Variants in DYSF observed in about 807,000 individuals in gnomAD.
DYSF encodes the protein dystrophy-associated fer-1-like 1.
Under a neutral mutation model 274.9 loss-of-function variants are expected in DYSF, and 212 were observed. The observed-to-expected ratio is 0.77, with a 90% CI of 0.69 to 0.86. The LOEUF (loss-of-function observed/expected upper bound fraction) is 0.86. Among genes scored for constraint, DYSF ranks in the 40% least tolerant of loss-of-function variants. DYSF has a pLI of 0.00. For synonymous variants in DYSF, 1,091 were observed against 1,078.7 expected (o/e 1.01, Z -0.22); for missense variants, 2,666 against 2,783.2 (o/e 0.96, Z 0.95).
Position 71,626,968 on chromosome 2 carries a change from C to T in DYSF, c.4527+6359C>T, listed in dbSNP as rs535088097. Among the ~76,000 whole-genome samples the T allele has an allele frequency of 4.0e-5, 6 of 151,252 alleles. No individual in the cohort carries two copies. The East Asian group carries it at 5.8e-4, about 15-fold the overall frequency. ...ATATTGGTGTAATATTTTTTATGATCTCTTAATTTTTCAAAAAGAATTTCT... is the reference window on the plus strand; with the variant it reads ...ATATTGGTGTAATATTTTTTATGATTTCTTAATTTTTCAAAAAGAATTTCT... On this transcript the variant is annotated intron_variant, in intron 41 of 55. Transcript: ENST00000410020.
intron 3 of DYSF, 50 bp from the exon 4 acceptor site, chr2:71,503,164 C>T: frequency 1.3e-6 from 2 of 1,550,528 alleles, no homozygotes; most frequent in Non-Finnish European, 1.8e-6. Flanking sequence ...GGCAGAAGAG[C>T]CAGGGTGCCT....
chr2:71,548,029 C>G (rs149098521), intron 17 of DYSF, among the ~76,000 whole-genome samples: 8 of 152,346 alleles, frequency 5.3e-5, no homozygotes, highest in Admixed American at 2.6e-4. Context: ...TGTGTTGGCC[C>G]TCTCGCTGTT....
At chr2:71,660,267 A>G (rs1471266540) in intron 44 of DYSF, among the ~76,000 whole-genome samples, 2 of 152,234 alleles carry the variant, frequency 1.3e-5, no homozygotes, top group African/African-American at 4.8e-5. Flanking sequence ...TGTGTAATGC[A>G]GACTGTTGTG....
intron 21 of DYSF, among the ~76,000 whole-genome samples, chr2:71,555,618 C>A (rs980634013): frequency 6.6e-6 from 1 of 152,072 alleles, no homozygotes; most frequent in South Asian, 2.1e-4. Context: ...AGAGCAGGCT[C>A]GGAGAGGGCC....
At chr2:71,538,772 C>T (rs889840189) in intron 16 of DYSF, among the ~76,000 whole-genome samples, 12 of 152,320 alleles carry the variant, frequency 7.9e-5, no homozygotes, top group African/African-American at 2.6e-4. Context: ...TGGAGCCTCT[C>T]AGTTCTTCCT....
chr2:71,503,132 G>A, intron 3 of DYSF, 82 bp from the exon 4 acceptor site: 1 of 1,248,354 alleles, frequency 8.0e-7, no homozygotes, highest in Non-Finnish European at 1.2e-6. Flanking sequence ...AGCCTCATCT[G>A]AGTGGTGGCA....
At chr2:71,545,816 CTG>C (rs950850998) in intron 17 of DYSF, among the ~76,000 whole-genome samples, 5 of 152,120 alleles carry the variant, frequency 3.3e-5, no homozygotes, top group African/African-American at 9.7e-5. Flanking sequence ...TCACCTTTCT[CTG>C]TGTCCGCATG....
At chr2:71,462,192 T>C (rs113496382), upstream of DYSF, among the ~76,000 whole-genome samples, 3,824 of 151,784 alleles carry the variant, frequency 0.025, 172 homozygotes, top group African/African-American at 0.087. Context: ...CAGCAAGGGG[T>C]GTGTGAGTGA....
intron 1 of DYSF, among the ~76,000 whole-genome samples, chr2:71,456,670 C>T (rs2081078511): frequency 6.6e-6 from 1 of 152,100 alleles, no homozygotes; most frequent in South Asian, 2.1e-4. Context: ...CTCACAGAAG[C>T]TTTGTGAGGT....
chr2:71,683,612 G>T (rs892968117), intron 55 of DYSF, among the ~76,000 whole-genome samples: 2 of 152,222 alleles, frequency 1.3e-5, no homozygotes, highest in South Asian at 4.1e-4. Context: ...TGGCAAAGAC[G>T]CAAACACCCA....
At chr2:71,574,095 G>T in intron 29 of DYSF, 103 bp from the exon 30 acceptor site, 1 of 1,432,084 alleles carries the variant, frequency 7.0e-7, no homozygotes, top group Non-Finnish European at 9.6e-7. Flanking sequence ...GTGGGAGCTG[G>T]TGGGGAGTTG....
chr2:71,500,882 CT>C (rs1003462361), intron 3 of DYSF, among the ~76,000 whole-genome samples: 1 of 152,062 alleles, frequency 6.6e-6, no homozygotes, highest in Non-Finnish European at 1.5e-5. Context: ...CATTCTCCTG[CT>C]TGAACAAGTC....
At chr2:71,654,038 C>G (rs936325696) in intron 42 of DYSF, among the ~76,000 whole-genome samples, 2 of 151,972 alleles carry the variant, frequency 1.3e-5, no homozygotes, top group Non-Finnish European at 2.9e-5. Flanking sequence ...CTTTATATAC[C>G]AAGAAGTCTC....
chr2:71,685,109 C>G (rs748580127), intron 55 of DYSF, among the ~76,000 whole-genome samples: 2 of 152,196 alleles, frequency 1.3e-5, no homozygotes, highest in African/African-American at 4.8e-5. Context: ...GAAGGAGGCC[C>G]TGCTGCCTGG....
intron 12 of DYSF, among the ~76,000 whole-genome samples, 197 bp from the exon 13 acceptor site, chr2:71,526,023 T>C (rs1214342321): frequency 6.6e-6 from 1 of 152,212 alleles, no homozygotes; most frequent in East Asian, 1.9e-4. Flanking sequence ...AGTATCATGG[T>C]CTCTGCTGTA....
chr2:71,573,796 C>G (rs2092604635), intron 29 of DYSF, among the ~76,000 whole-genome samples: 2 of 152,106 alleles, frequency 1.3e-5, no homozygotes, highest in African/African-American at 4.8e-5. Context: ...CCTCCTCTCC[C>G]CTCCTGATTT....
At chr2:71,511,370 G>C (rs1175405256) in intron 4 of DYSF, among the ~76,000 whole-genome samples, 2 of 152,212 alleles carry the variant, frequency 1.3e-5, no homozygotes, top group Non-Finnish European at 2.9e-5. Flanking sequence ...AGTGGCCAAA[G>C]GGACATTTTC....
intron 29 of DYSF, among the ~76,000 whole-genome samples, chr2:71,571,727 C>G (rs145456483): frequency 0.023 from 3,058 of 130,342 alleles, 64 homozygotes; most frequent in African/African-American, 0.058. Context: ...ACAGATCACA[C>G]CCAGCACACA....
In DYSF at chr2:71,612,564, T is replaced by G. The variant is rs576406816; in HGVS notation, c.4222-77T>G. 2.0e-5 allele frequency: 31 copies of G among 1,589,288 alleles called. No homozygotes were observed. In the African/African-American group the frequency reaches 4.2e-4, roughly 21 times the overall value. The stretch of plus-strand genomic sequence containing the variant: ...GGGGATTATCTGCGGTTTATAGTCA[T>G]TTTCTGCTCTTTGGGCTTGACCTGG... On this transcript the variant is annotated intron_variant, in intron 38 of 55. Transcript: ENST00000410020.
Sources: gnomAD v4.1 joint callset for allele counts (sites outside exome capture counted in the v4.1 genomes callset) on GRCh38, gnomAD v4.1.1 for gene constraint, MANE v1.5 for transcripts, NCBI Gene and HGNC (gene_info 2026-07-23, HGNC 2026-07-21) for gene names.